Variants in SLC8B1 observed in about 807,000 individuals in gnomAD.
SLC8B1 encodes solute carrier family 8 member B1.
A neutral mutation model predicts 63.4 loss-of-function variants in SLC8B1; 52 were observed. The observed-to-expected ratio is 0.82, with a 90% CI of 0.66 to 1.03. The LOEUF (loss-of-function observed/expected upper bound fraction) is 1.03, where lower values mean the gene tolerates loss of function less well. Ranked by LOEUF, SLC8B1 falls within the 50% of genes least tolerant of loss-of-function variation. The pLI, the probability that SLC8B1 is intolerant of heterozygous loss-of-function variation, is 0.00. For missense variants in SLC8B1, 657 were observed against 741.7 expected (o/e 0.89, Z 1.33); for synonymous variants, 336 against 323.9 (o/e 1.04, Z -0.40).
rs777418095 is a variant in SLC8B1, at chr12:113,321,261, C to T, written c.244G>A (p.Asp82Asn). 1 of 1,614,126 alleles carries T rather than the reference C, an allele frequency of 6.2e-7. No homozygotes were observed. The highest frequency in any genetic ancestry group is 8.5e-7 in the Non-Finnish European group (1 of 1,180,026). The change falls in exon 3 of 16, where the codon GAC becomes AAC. Residue 82 changes from aspartate to asparagine, a missense_variant. Physicochemically the swap from Asp to Asn is conservative, Grantham distance 23 (BLOSUM62 1). Coordinates refer to ENST00000680972, the MANE Select transcript of SLC8B1 (RefSeq NM_001358345.2). ...PDCHSDGGYL[D>N]YLEGIFCHFP... is the part of the protein sequence containing the mutation. ...TGGCAGAAGATGCCTTCCAGGTAGT[C>T]CAGGTACCCCCCATCACTGTGGCAG...
intron 10 of SLC8B1, 81 bp downstream of exon 10, chr12:113,316,445 C>G: frequency 3.9e-6 from 6 of 1,528,310 alleles, no homozygotes; most frequent in Admixed American, 1.9e-5. Flanking sequence ...GGCCCTCCCC[C>G]TCGTAGAGCT....
intron 8 of SLC8B1, among the ~76,000 whole-genome samples, chr12:113,318,180 GTA>G (rs574424576): frequency 2.6e-5 from 4 of 151,398 alleles, no homozygotes; most frequent in African/African-American, 7.2e-5. Flanking sequence ...GTGTATGCAT[GTA>G]TGTGTTGCAC....
chr12:113,307,144 A>C (rs1209965676), intron 13 of SLC8B1, among the ~76,000 whole-genome samples: 2 of 143,466 alleles, frequency 1.4e-5, no homozygotes, highest in African/African-American at 2.6e-5. Flanking sequence ...AAAAAAAAAA[A>C]AAAAAAACTA....
chr12:113,325,140 C>A (rs886378173), intron 2 of SLC8B1, among the ~76,000 whole-genome samples: 1 of 152,164 alleles, frequency 6.6e-6, no homozygotes, highest in African/African-American at 2.4e-5. Flanking sequence ...TTCAAATTTG[C>A]CCTCCTCAGA....
In SLC8B1 at chr12:113,305,244, G is replaced by A. The variant is rs977594232; in HGVS notation, c.1493-859C>T. On this transcript the variant is annotated intron_variant, in intron 14 of 15. Transcript: ENST00000680972. The surrounding 1 kb of genome is among the most constrained non-coding windows in gnomAD (Gnocchi z 4.3). ...GGGAGGTCAGGCGAGGCTGCAGCCC[G>A]AAAGCCAGGAGTAGGCCTCAGTGGG... 4.6e-5 allele frequency among the ~76,000 whole-genome samples: 7 copies of A among 152,226 alleles called. No homozygotes were observed. Among genetic ancestry groups the A allele is most frequent in the Admixed American group, 3.3e-4 (5 of 15,290 alleles).
intron 2 of SLC8B1, among the ~76,000 whole-genome samples, chr12:113,322,050 T>C (rs1295475578): frequency 2.0e-5 from 3 of 151,762 alleles, no homozygotes; most frequent in Non-Finnish European, 4.4e-5. Context: ...AATAAAAAAT[T>C]AGGTAGGCAT....
rs200679896 is a variant in SLC8B1 at position 113,316,707 on chromosome 12, C to A, written c.863-51G>T. ...GTGTGCCTGCGGCTGACTTGCTCTC[C>A]AGGAAACCTTCCCCGCTCCATCCCA... On this transcript the variant is annotated intron_variant, in intron 9 of 15. Coordinates refer to ENST00000680972, the MANE Select transcript of SLC8B1 (RefSeq NM_001358345.2). 3.4e-5 allele frequency: 54 copies of A among 1,601,462 alleles called. 1 individual carries two copies. Among genetic ancestry groups the A allele is most frequent in the Middle Eastern group, 2.2e-4 (1 of 4,506 alleles).
intron 13 of SLC8B1, 123 bp from the exon 14 acceptor site, chr12:113,306,698 C>CA: frequency 6.5e-6 from 5 of 765,710 alleles, no homozygotes; most frequent in South Asian, 1.6e-5. Flanking sequence ...CCCAAGTGTG[C>CA]CTGGGCACTA....
In SLC8B1 at chr12:113,306,494, C is replaced by A; in HGVS notation, c.1492+1G>T. 7 of 1,610,992 alleles carry A rather than the reference C, an allele frequency of 4.3e-6. No individual in the cohort carries two copies. Among genetic ancestry groups the A allele is most frequent in the Non-Finnish European group, 5.9e-6 (7 of 1,178,416 alleles). Reference sequence around the variant, plus strand: ...GGCCAAGAACAGACCACAAAGGATACTGAAGATGATGCCGCCAAAGCAGGC... The same window carrying A: ...GGCCAAGAACAGACCACAAAGGATAATGAAGATGATGCCGCCAAAGCAGGC... On this transcript the variant is annotated splice_donor_variant, in intron 14 of 15. Coordinates refer to ENST00000680972, the MANE Select transcript of SLC8B1 (RefSeq NM_001358345.2). LOFTEE classifies it high-confidence loss of function.
At chr12:113,312,368 C>T (rs372156181) in intron 11 of SLC8B1, among the ~76,000 whole-genome samples, 8 of 152,238 alleles carry the variant, frequency 5.3e-5, no homozygotes, top group South Asian at 4.2e-4. Flanking sequence ...TGGGAGGCAG[C>T]GAGTACAGTG....
intron 2 of SLC8B1, among the ~76,000 whole-genome samples, chr12:113,332,023 A>T (rs921726135): frequency 6.6e-6 from 1 of 152,082 alleles, no homozygotes; most frequent in African/African-American, 2.4e-5. Flanking sequence ...GAACACACTA[A>T]GCTTGTTCCT....
Position 113,318,973 on chromosome 12 carries a change from C to A in SLC8B1, c.793G>T (p.Val265Phe). 6.2e-7 allele frequency: 1 copy of A among 1,613,934 alleles called. No homozygotes were observed. The highest frequency in any genetic ancestry group is 8.5e-7 in the Non-Finnish European group (1 of 1,179,834). ...CGATGCAGACTCTTACCTGGAGTAACTGGCATGGGGCAGAACAGAGATCCT... is the reference window on the plus strand; with the variant it reads ...CGATGCAGACTCTTACCTGGAGTAAATGGCATGGGGCAGAACAGAGATCCT... ...RRGSLFCPMP[V>F]TPEILSDSEE... The change falls in exon 8 of 16, where the codon GTT becomes TTT. Residue 265 changes from valine to phenylalanine, a missense_variant. By Grantham distance (50) the Val-to-Phe change is conservative. Coordinates refer to ENST00000680972, the MANE Select transcript of SLC8B1 (RefSeq NM_001358345.2).
In SLC8B1 at chr12:113,310,330, G is replaced by A. The variant is rs376002956; in HGVS notation, c.1161C>T (p.Leu387=). The change falls in exon 12 of 16, where the codon CTC becomes CTT. Residue 387 remains leucine (L), a synonymous_variant. Transcript: ENST00000680972. ...TCACCACCACGACCCAGACGGGAAC[G>A]AGGCCGCCTATCTCATAGACACCAT... is the stretch of plus-strand genomic sequence containing the variant. ...GTYGVYEIGG[L]VPVWVVVVIA... 62 of 1,613,974 alleles carry A rather than the reference G, an allele frequency of 3.8e-5. No homozygotes were observed. The highest frequency in any genetic ancestry group is 5.0e-5 in the Admixed American group (3 of 59,932).
Position 113,317,094 on chromosome 12 carries a change from G to A in SLC8B1, c.803-93C>T, listed in dbSNP as rs1956845828. The A allele has an allele frequency of 5.6e-6, 6 of 1,077,432 alleles. No homozygotes were observed. The Admixed American group carries it at 1.2e-4, about 22-fold the overall frequency. 66.7% of individuals were successfully genotyped at this position (1,077,432 alleles called of 1,614,324 possible). A position where few individuals can be genotyped will look rare whatever the true frequency, so the allele number is the denominator to read the frequency against. ...CAGGTTTAGGGGTGCAAGTGTTCAGGCCATCTTATTTACTTAGTTATTTGG... is the reference window on the plus strand; with the variant it reads ...CAGGTTTAGGGGTGCAAGTGTTCAGACCATCTTATTTACTTAGTTATTTGG... On this transcript the variant is annotated intron_variant, in intron 8 of 15. Transcript: ENST00000680972.
chr12:113,329,517 T>A (rs1957033365), intron 2 of SLC8B1, among the ~76,000 whole-genome samples: 1 of 152,140 alleles, frequency 6.6e-6, no homozygotes, highest in Admixed American at 6.5e-5. Flanking sequence ...CACATTACTG[T>A]GCAGTCTGTC....
At chr12:113,329,286 T>G (rs1160169948) in intron 2 of SLC8B1, among the ~76,000 whole-genome samples, 4 of 152,018 alleles carry the variant, frequency 2.6e-5, no homozygotes, top group Non-Finnish European at 5.9e-5. Flanking sequence ...CACTGAGAAG[T>G]GGCTCCAAAC....
chr12:113,306,066 CAAA>C (rs60824560), intron 14 of SLC8B1, among the ~76,000 whole-genome samples: 33 of 18,100 alleles, frequency 1.8e-3, no homozygotes, highest in South Asian at 5.6e-3. Context: ...CCCCACCCTG[CAAA>C]AAAAAAAAAA....
chr12:113,315,300 G>C (rs1425633397), intron 11 of SLC8B1, 35 bp downstream of exon 11: 1 of 1,487,174 alleles, frequency 6.7e-7, no homozygotes, highest in Non-Finnish European at 9.0e-7. Context: ...GGAAGGAGTA[G>C]GAAGGTGGGT....
chr12:113,324,327 A>C (rs1593257295), intron 2 of SLC8B1, among the ~76,000 whole-genome samples: 2 of 148,256 alleles, frequency 1.3e-5, no homozygotes, highest in South Asian at 2.1e-4. Flanking sequence ...AAACAAACAA[A>C]CAAAAAAAAA....
Sources: gnomAD v4.1 joint callset for allele counts (sites outside exome capture counted in the v4.1 genomes callset) on GRCh38, gnomAD v4.1.1 for gene constraint, Gnocchi (gnomAD v3.1) non-coding constraint, MANE v1.5 for transcripts, NCBI Gene and HGNC (gene_info 2026-07-23, HGNC 2026-07-21) for gene names.